Variants in CD36 observed in about 807,000 individuals in gnomAD.
CD36 encodes platelet glycoprotein 4.
CD36 carries 119 observed loss-of-function variants against 55.2 expected under a neutral mutation model. The ratio of observed to expected loss-of-function variants is 2.15; its 90% CI spans 1.86 to 2.51. CD36 has a LOEUF of 2.51. Ranked by LOEUF, CD36 falls within the 30% of genes most tolerant of loss-of-function variation. The pLI is 0.00. For synonymous variants in CD36, 186 were observed against 193.6 expected, an observed-to-expected ratio of 0.96 and a Z score of 0.33; for missense variants, 819 against 555.5, an observed-to-expected ratio of 1.47 and a Z score of -4.77.
chr7:80,662,460 G>A, intron 5 of CD36: 1 of 259,984 alleles, frequency 3.8e-6, no homozygotes, highest in Non-Finnish European at 8.3e-6. Context: ...CATTGGTCAG[G>A]TCACTGGCAG....
At chr7:80,645,246 C>T (rs1397297025) in intron 1 of CD36, among the ~76,000 whole-genome samples, 1 of 151,306 alleles carries the variant, frequency 6.6e-6, no homozygotes, top group African/African-American at 2.4e-5. Context: ...TCTCAAACTC[C>T]CAACCTCAGG....
rs375042355 is a variant in CD36, at chr7:80,673,982, G to C, written c.1255-1G>C. ...AATGTTGATTATTAACTTGATTACA[G>C]ACTGGGACCATTGGTGATGAGAAGG... On this transcript the variant is annotated splice_acceptor_variant, in intron 13 of 14. Coordinates refer to ENST00000447544, the MANE Select transcript of CD36 (RefSeq NM_001001548.3). LOFTEE classifies it high-confidence loss of function. 2.0e-5 allele frequency: 33 copies of C among 1,610,424 alleles called. No homozygotes were observed. In the Middle Eastern group the frequency reaches 6.6e-4, roughly 32 times the overall value.
chr7:80,630,740 C>T (rs1034207182), intron 1 of CD36, among the ~76,000 whole-genome samples: 16 of 151,926 alleles, frequency 1.1e-4, no homozygotes, highest in African/African-American at 3.6e-4. Context: ...ACAGGCCTAG[C>T]AATGATCTTG....
Position 80,669,987 on chromosome 7 carries a change from C to A in CD36, c.783C>A (p.Ser261Arg). The part of the protein sequence containing the change: ...AASFPPFVEK[S>R]QVLQFFSSDI... ...CATTTCCACCTTTTGTTGAGAAAAG[C>A]CAGGTATTGCAGTTCTTTTCTTCTG... Residue 261 changes from serine to arginine, a missense_variant, in exon 9 of 15, where the codon AGC becomes AGA. By Grantham distance (110) the Ser-to-Arg change is moderately radical (BLOSUM62 -1). Coordinates refer to ENST00000447544, the MANE Select transcript of CD36 (RefSeq NM_001001548.3). 1 of 1,612,230 alleles carries A rather than the reference C, an allele frequency of 6.2e-7. No homozygotes were observed.
At chr7:80,668,483 G>A (rs1797335927) in intron 8 of CD36, among the ~76,000 whole-genome samples, 1 of 152,156 alleles carries the variant, frequency 6.6e-6, no homozygotes, top group Non-Finnish European at 1.5e-5. Context: ...ACCTTCTTCA[G>A]TAAGTTTGAA....
intron 1 of CD36, among the ~76,000 whole-genome samples, chr7:80,628,432 A>G (rs1793870594): frequency 6.6e-6 from 1 of 152,052 alleles, no homozygotes; most frequent in South Asian, 2.1e-4. Context: ...AATGAGTAAA[A>G]TACAGTCACA....
intron 3 of CD36, among the ~76,000 whole-genome samples, chr7:80,652,968 A>G (rs978639136): frequency 8.5e-5 from 13 of 152,184 alleles, no homozygotes; most frequent in Non-Finnish European, 1.0e-4. Context: ...TTTGATTTTC[A>G]AAAATACTAA....
chr7:80,663,846 A>G (rs1304210774), intron 6 of CD36, among the ~76,000 whole-genome samples: 2 of 152,132 alleles, frequency 1.3e-5, no homozygotes, highest in Non-Finnish European at 2.9e-5. Context: ...TCTCTAGTTC[A>G]TTGTTTTACT....
chr7:80,613,451 T>C (rs1008055289), intron 1 of CD36, among the ~76,000 whole-genome samples: 1 of 152,108 alleles, frequency 6.6e-6, no homozygotes, highest in Non-Finnish European at 1.5e-5. Context: ...CTTGAAGATA[T>C]CATCTAAACC....
chr7:80,667,990 G>A lies in CD36; in HGVS notation c.748+1501G>A, dbSNP rs144202026. On this transcript the variant is annotated intron_variant, in intron 8 of 14. Coordinates refer to ENST00000447544, the MANE Select transcript of CD36 (RefSeq NM_001001548.3). ...TCTTGATCTCTTGACCTTGTGATCC[G>A]CCCCCCTCGGCCTCCCAAAGTGCTG... 5.0e-3 allele frequency among the ~76,000 whole-genome samples: 764 copies of A among 151,820 alleles called. 6 individuals are homozygous for A. Among genetic ancestry groups the A allele is most frequent in the African/African-American group, 0.016 (672 of 41,424 alleles).
intron 1 of CD36, among the ~76,000 whole-genome samples, chr7:80,613,125 C>A (rs1562769876): frequency 6.6e-6 from 1 of 151,832 alleles, no homozygotes; most frequent in East Asian, 1.9e-4. Context: ...ATGAGTCACA[C>A]AAAGAAAAAG....
rs1394590852 is a variant in CD36, at chr7:80,663,106, T to TA, written c.547dup (p.Arg183LysfsTer31). ...CTTTGAGAGAACTGTTATGGGGCTA[T>TA]AGGGATCCATTTTTGAGTTTGGTTC... On this transcript the variant is annotated frameshift_variant, in exon 6 of 15. Coordinates refer to ENST00000447544, the MANE Select transcript of CD36 (RefSeq NM_001001548.3). LOFTEE classifies it high-confidence loss of function. 2.5e-6 allele frequency: 4 copies of TA among 1,613,692 alleles called. No individual in the cohort carries two copies. The highest frequency in any genetic ancestry group is 3.3e-5 in the Admixed American group (2 of 59,994).
intron 1 of CD36, among the ~76,000 whole-genome samples, chr7:80,627,151 CT>C (rs1396547477): frequency 4.6e-5 from 7 of 152,038 alleles, no homozygotes; most frequent in Non-Finnish European, 8.8e-5. Context: ...AAGAATCAGT[CT>C]GACTCAGGTT....
chr7:80,673,971 A>G lies in CD36; in HGVS notation c.1255-12A>G, dbSNP rs1797994518. ...CGTACCCAAATAATGTTGATTATTAACTTGATTACAGACTGGGACCATTGG... is the reference window on the plus strand; with the variant it reads ...CGTACCCAAATAATGTTGATTATTAGCTTGATTACAGACTGGGACCATTGG... On this transcript the variant is annotated splice_polypyrimidine_tract_variant and intron_variant, in intron 13 of 14. Transcript: ENST00000447544. 1.2e-6 allele frequency: 2 copies of G among 1,607,578 alleles called. No individual in the cohort carries two copies. Among genetic ancestry groups the G allele is most frequent in the African/African-American group, 2.7e-5 (2 of 74,728 alleles).
chr7:80,673,168 A>G, intron 12 of CD36, 187 bp from the exon 13 acceptor site: 1 of 519,586 alleles, frequency 1.9e-6, no homozygotes, highest in Non-Finnish European at 3.4e-6. Flanking sequence ...GTGAAAAAAA[A>G]TCAATGTGAT....
At chr7:80,658,446 AT>A (rs927662062) in intron 4 of CD36, among the ~76,000 whole-genome samples, 2 of 151,798 alleles carry the variant, frequency 1.3e-5, no homozygotes, top group African/African-American at 2.4e-5. Flanking sequence ...ACTCATCATG[AT>A]TTTTTTTGTT....
chr7:80,619,684 A>G (rs1313735096), intron 1 of CD36, among the ~76,000 whole-genome samples: 2 of 148,988 alleles, frequency 1.3e-5, no homozygotes, highest in Non-Finnish European at 3.0e-5. Flanking sequence ...TATAATTTCC[A>G]TGGATAGTAA....
upstream of CD36, among the ~76,000 whole-genome samples, chr7:80,634,104 G>A (rs528109320): frequency 4.6e-4 from 70 of 152,072 alleles, 1 homozygote; most frequent in East Asian, 2.1e-3. Flanking sequence ...CAGTCAGTCA[G>A]TTTGGGTTCC....
At chr7:80,664,383 AT>A (rs750687386) in intron 6 of CD36, 22 bp from the exon 7 acceptor site, 8 of 1,262,074 alleles carry the variant, frequency 6.3e-6, no homozygotes, top group South Asian at 6.0e-5. Flanking sequence ...TAGAAGTAAC[AT>A]TTTCCCATAC....
Sources: gnomAD v4.1 joint callset for allele counts (sites outside exome capture counted in the v4.1 genomes callset) on GRCh38, gnomAD v4.1.1 for gene constraint, MANE v1.5 for transcripts, NCBI Gene and HGNC (gene_info 2026-07-23, HGNC 2026-07-21) for gene names.